Variants in RCOR3 observed in about 807,000 individuals in gnomAD.
RCOR3 encodes the protein REST corepressor 3.
RCOR3 carries 13 observed loss-of-function variants against 64.1 expected under a neutral mutation model. That is an observed-to-expected ratio of 0.20 (90% CI 0.13 to 0.32). The LOEUF is 0.32. Ranked by LOEUF, RCOR3 falls within the 10% of genes least tolerant of loss-of-function variation. The pLI, the probability that RCOR3 is intolerant of heterozygous loss-of-function variation, is 1.00. For missense variants in RCOR3, 489 were observed against 701.2 expected (o/e 0.70, Z 3.42); for synonymous variants, 215 against 239.0 (o/e 0.90, Z 0.93).
At chr1:211,304,959 T>G (rs1317159964) in intron 10 of RCOR3, among the ~76,000 whole-genome samples, 1 of 152,194 alleles carries the variant, frequency 6.6e-6, no homozygotes, top group African/African-American at 2.4e-5. Context: ...ACCTCTGTGT[T>G]GAGTGCTAAT....
At chr1:211,303,908 A>G (rs1206997695) in intron 9 of RCOR3, 175 bp from the exon 10 acceptor site, 1 of 435,450 alleles carries the variant, frequency 2.3e-6, no homozygotes, top group Admixed American at 4.1e-5. Context: ...ATCTTTCTGC[A>G]TGGGTAAAAG....
chr1:211,269,074 A>G (rs1227457406), intron 2 of RCOR3, among the ~76,000 whole-genome samples: 1 of 152,194 alleles, frequency 6.6e-6, no homozygotes, highest in Non-Finnish European at 1.5e-5. Context: ...GTATCTTATA[A>G]CTTTATAAAG....
chr1:211,268,708 TAATG>T (rs1267174480), intron 2 of RCOR3, among the ~76,000 whole-genome samples: 1 of 152,172 alleles, frequency 6.6e-6, no homozygotes, highest in Non-Finnish European at 1.5e-5. Flanking sequence ...AATTTTTTCA[TAATG>T]AACCTTAATT....
intron 7 of RCOR3, among the ~76,000 whole-genome samples, chr1:211,287,216 C>T (rs1157963844): frequency 6.6e-6 from 1 of 152,148 alleles, no homozygotes; most frequent in African/African-American, 2.4e-5. Flanking sequence ...ATGGACATGG[C>T]TCCCATTAAT....
At chr1:211,286,389 C>T (rs1698532372) in intron 7 of RCOR3, among the ~76,000 whole-genome samples, 1 of 151,582 alleles carries the variant, frequency 6.6e-6, no homozygotes, top group South Asian at 2.1e-4. Flanking sequence ...CTCACTGCAA[C>T]CTCCGCTTCC....
At position 211,313,840 on chromosome 1, in the gene RCOR3, A is replaced by C; in HGVS notation, c.*72A>C. The C allele has an allele frequency of 2.3e-6, 3 of 1,306,726 alleles. No individual in the cohort carries two copies. The highest frequency in any genetic ancestry group is 3.2e-6 in the Non-Finnish European group (3 of 935,520). 80.9% of individuals were successfully genotyped at this position (1,306,726 alleles called of 1,614,324 possible). ...ACCAGTGCTCATCTGACTGATGAAA[A>C]AGAGGAAAGAATAATCATTTCTAGA... On this transcript the variant is annotated 3_prime_UTR_variant, in exon 12 of 12. Coordinates refer to ENST00000419091, the MANE Select transcript of RCOR3 (RefSeq NM_001136223.3). This position sits in a 1 kb window ranked among gnomAD's most constrained non-coding sequence, Gnocchi z 4.7.
intron 9 of RCOR3, among the ~76,000 whole-genome samples, chr1:211,298,868 G>A (rs374236166): frequency 6.2e-4 from 95 of 152,236 alleles, no homozygotes; most frequent in African/African-American, 2.1e-3. Flanking sequence ...TTAGCCAGGC[G>A]TGGTGGCGGG....
chr1:211,278,341 T>C, intron 6 of RCOR3, 100 bp downstream of exon 6: 1 of 1,282,938 alleles, frequency 7.8e-7, no homozygotes, highest in Non-Finnish European at 1.1e-6. Flanking sequence ...ATTGTAAATA[T>C]TCCTTATTCT....
intron 4 of RCOR3, 86 bp downstream of exon 4, chr1:211,274,348 C>A: frequency 1.1e-6 from 1 of 927,094 alleles, no homozygotes; most frequent in Non-Finnish European, 1.7e-6. Context: ...GTCCTAACAG[C>A]GTGCATAAGC....
intron 10 of RCOR3, 25 bp downstream of exon 10, chr1:211,304,165 G>A (rs756624499): frequency 6.6e-7 from 1 of 1,516,348 alleles, no homozygotes; most frequent in South Asian, 1.3e-5. Flanking sequence ...AGCAGTTATT[G>A]TTGTTAATAA....
At chr1:211,286,513 T>A (rs1474616543) in intron 7 of RCOR3, among the ~76,000 whole-genome samples, 1 of 152,118 alleles carries the variant, frequency 6.6e-6, no homozygotes, top group Non-Finnish European at 1.5e-5. Flanking sequence ...TTCACCGGGT[T>A]AGCCAGTATG....
At chr1:211,274,398 A>G in intron 4 of RCOR3, 136 bp downstream of exon 4, 2 of 508,208 alleles carry the variant, frequency 3.9e-6, no homozygotes, top group South Asian at 8.5e-5. Context: ...AGTCCTAGCA[A>G]AGAGTGACCT....
chr1:211,273,626 G>A (rs970407646), intron 3 of RCOR3, among the ~76,000 whole-genome samples: 2 of 152,244 alleles, frequency 1.3e-5, no homozygotes, highest in Non-Finnish European at 1.5e-5. Flanking sequence ...AATTCTGTTG[G>A]CTTAATTACG....
At position 211,260,115 on chromosome 1, in the gene RCOR3, G is replaced by T. The variant is rs773071229; in HGVS notation, c.174G>T (p.Gly58=). Residue 58 remains glycine, a synonymous_variant, in exon 2 of 12, where the codon GGG becomes GGT. Coordinates refer to ENST00000419091, the MANE Select transcript of RCOR3 (RefSeq NM_001136223.3). ...TTTGGCATTGCTTTGCAGATGTTGG[G>T]ATGAGAGTCGGAGCCGAATACCAAG... ...GCSSDDEHDV[G]MRVGAEYQAR... 1.2e-6 allele frequency: 2 copies of T among 1,610,930 alleles called. No homozygotes were observed. The highest frequency in any genetic ancestry group is 8.5e-7 in the Non-Finnish European group (1 of 1,178,192).
chr1:211,293,374 A>G (rs141201459), intron 8 of RCOR3, among the ~76,000 whole-genome samples: 1 of 152,242 alleles, frequency 6.6e-6, no homozygotes, highest in African/African-American at 2.4e-5. Flanking sequence ...TTTAGGCAAA[A>G]TTAAAATTCC....
chr1:211,271,040 G>A (rs36104032), intron 2 of RCOR3, among the ~76,000 whole-genome samples, 192 bp from the exon 3 acceptor site: 45,318 of 151,992 alleles, frequency 0.3, 7,055 homozygotes, highest in South Asian at 0.36. Flanking sequence ...TGTATTTTTA[G>A]TAGAGACGGG....
At chr1:211,274,047 C>A (rs1434775718) in intron 3 of RCOR3, among the ~76,000 whole-genome samples, 163 bp from the exon 4 acceptor site, 2 of 151,896 alleles carry the variant, frequency 1.3e-5, no homozygotes, top group South Asian at 4.1e-4. Flanking sequence ...TCTGATCTTG[C>A]TATGATAAGT....
In RCOR3 at chr1:211,308,001, C is replaced by G. The variant is rs75478613; in HGVS notation, c.1075+3861C>G. 4.0e-3 allele frequency among the ~76,000 whole-genome samples: 599 copies of G among 150,232 alleles called. 2 individuals carry two copies. Among genetic ancestry groups the G allele is most frequent in the Non-Finnish European group, 6.0e-3 (402 of 66,938 alleles). ...TGCAAGTCTAGAAATTGTCTTCTCT[C>G]TTGTACTAACAAAAAGATAGAAGGG... On this transcript the variant is annotated intron_variant, in intron 10 of 11. Transcript: ENST00000419091.
chr1:211,298,313 A>C (rs1025059834), intron 9 of RCOR3, among the ~76,000 whole-genome samples: 1 of 152,174 alleles, frequency 6.6e-6, no homozygotes, highest in Admixed American at 6.5e-5. Context: ...GGAATACTGC[A>C]GCTGAGGTTT....
Sources: allele counts gnomAD v4.1 joint callset (sites outside exome capture counted in the v4.1 genomes callset), GRCh38; gene constraint gnomAD v4.1.1; non-coding constraint Gnocchi (gnomAD v3.1); transcripts MANE v1.5; gene names NCBI Gene and HGNC (gene_info 2026-07-23, HGNC 2026-07-21).